Variants in PIAS4 observed in about 807,000 individuals in gnomAD.
PIAS4 encodes E3 SUMO-protein ligase PIAS4.
In PIAS4, 7 loss-of-function variants were observed where a neutral mutation model predicts 58.0. That is an observed-to-expected ratio of 0.12 (90% CI 0.07 to 0.23). The LOEUF (loss-of-function observed/expected upper bound fraction) is 0.23. PIAS4 is among the 10% of genes least tolerant of loss of function. PIAS4 has a pLI of 1.00. For missense variants in PIAS4, 550 were observed against 709.5 expected, an observed-to-expected ratio of 0.78 and a Z score of 2.55; for synonymous variants, 364 against 312.4, an observed-to-expected ratio of 1.17 and a Z score of -1.74.
rs550532845 is a variant in PIAS4 at position 4,037,260 on chromosome 19, C to T, written c.1143-114C>T. The T allele has an allele frequency of 1.5e-6, 2 of 1,358,646 alleles. No individual in the cohort carries two copies. Among genetic ancestry groups the T allele is most frequent in the South Asian group, 1.4e-5 (1 of 71,838 alleles). 84.2% of individuals were successfully genotyped at this position (1,358,646 alleles called of 1,614,324 possible). On this transcript the variant is annotated intron_variant, in intron 9 of 10. Transcript: ENST00000262971. The surrounding 1 kb of genome is among the most constrained non-coding windows in gnomAD (Gnocchi z 5.8). Reference sequence around the variant, plus strand: ...CCCTGCGGTCGGGGTGGTGAGGCTGCTCTTGCAGAGAGAAGTGGGGAGTGC... The same window carrying T: ...CCCTGCGGTCGGGGTGGTGAGGCTGTTCTTGCAGAGAGAAGTGGGGAGTGC...
chr19:4,028,882 C>T (rs1475901610), intron 6 of PIAS4, 34 bp downstream of exon 6: 4 of 1,612,644 alleles, frequency 2.5e-6, no homozygotes, highest in Non-Finnish European at 3.4e-6. Context: ...CCCTGCCCCC[C>T]AACCCCGGCC....
At chr19:4,008,593 T>A (rs1022176158) in intron 1 of PIAS4, among the ~76,000 whole-genome samples, 7 of 152,156 alleles carry the variant, frequency 4.6e-5, no homozygotes, top group African/African-American at 9.7e-5. Context: ...CTCCTTTTTT[T>A]AATCTTAAAT....
intron 1 of PIAS4, among the ~76,000 whole-genome samples, chr19:4,012,127 T>C (rs1036501363): frequency 6.6e-6 from 1 of 151,636 alleles, no homozygotes; most frequent in Non-Finnish European, 1.5e-5. Flanking sequence ...GAGCCCAGGA[T>C]GGCCCCAGTG....
Position 4,037,705 on chromosome 19 carries a change from A to G in PIAS4, c.1363A>G (p.Ser455Gly), listed in dbSNP as rs2040315396. 1 of 1,611,800 alleles carries G rather than the reference A, an allele frequency of 6.2e-7. No homozygotes were observed. The highest frequency in any genetic ancestry group is 1.7e-5 in the Admixed American group (1 of 59,930). Reference protein sequence around the residue: ...GSTGGGGPVGSMENGKPGADV... With the variant: ...GSTGGGGPVGGMENGKPGADV... ...CACGGGTGGCGGCGGCCCGGTGGGC[A>G]GCATGGAGAATGGGAAGCCGGGCGC... Residue 455 changes from serine to glycine, a missense_variant, in exon 11 of 11, where the codon AGC becomes GGC. By Grantham distance (56) the Ser-to-Gly change is moderately conservative. Transcript: ENST00000262971. This position sits in a 1 kb window ranked among gnomAD's most constrained non-coding sequence, Gnocchi z 5.8.
At position 4,037,825 on chromosome 19, in the gene PIAS4, C is replaced by T. The variant is rs760119109; in HGVS notation, c.1483C>T (p.Arg495Trp). Reference protein sequence around the residue: ...EEEDEDEEGPRPKRRCPFQKG... With the variant: ...EEEDEDEEGPWPKRRCPFQKG... Reference sequence around the variant, plus strand: ...GGAAGACGAGGACGAAGAGGGGCCCCGGCCCAAGCGCCGCTGCCCCTTCCA... The same window carrying T: ...GGAAGACGAGGACGAAGAGGGGCCCTGGCCCAAGCGCCGCTGCCCCTTCCA... The change falls in exon 11 of 11, where the codon CGG becomes TGG. Residue 495 changes from arginine (R) to tryptophan (W), a missense_variant. Physicochemically the swap from Arg to Trp is moderately radical, Grantham distance 101 (BLOSUM62 -3). Around this residue, in one of 4 missense-constraint regions of PIAS4, gnomAD observed 188 missense variants for 192.0 expected, o/e 0.98. Transcript: ENST00000262971. This position sits in a 1 kb window ranked among gnomAD's most constrained non-coding sequence, Gnocchi z 5.8. 5 of 1,574,014 alleles carry T rather than the reference C, an allele frequency of 3.2e-6. No individual in the cohort carries two copies. The highest frequency in any genetic ancestry group is 1.2e-5 in the South Asian group (1 of 86,762).
At chr19:4,016,454 C>T (rs2040054454) in intron 2 of PIAS4, among the ~76,000 whole-genome samples, 1 of 152,228 alleles carries the variant, frequency 6.6e-6, no homozygotes. Context: ...GTGTAGGCAC[C>T]TGTGCCCTTC....
Position 4,028,305 on chromosome 19 carries a change from C to G in PIAS4, c.581+118C>G. On this transcript the variant is annotated intron_variant, in intron 4 of 10. Coordinates refer to ENST00000262971, the MANE Select transcript of PIAS4 (RefSeq NM_015897.4). ...CCCCTGCTAACAGCAGAGCCCAGCT[C>G]TCCTCACCTGCTGTCTATCCCTGTC... 5 of 909,162 alleles carry G rather than the reference C, an allele frequency of 5.5e-6. No individual in the cohort carries two copies. The South Asian group carries it at 7.3e-5, about 13-fold the overall frequency. The allele number at this position is 909,162 out of a possible 1,614,324, so 56.3% of individuals were successfully genotyped here.
Position 4,012,937 on chromosome 19 carries a change from T to G in PIAS4, c.42T>G (p.Ser14Arg). 1 of 1,612,424 alleles carries G rather than the reference T, an allele frequency of 6.2e-7. No homozygotes were observed. ...ELVEAKNMVM[S>R]FRVSDLQMLL... ...CTCCTCCTCAGAACATGGTGATGAG[T>G]TTTCGAGTCTCCGACCTTCAGATGC... Residue 14 changes from serine (S) to arginine (R), a missense_variant, in exon 2 of 11, where the codon AGT (serine) becomes AGG (arginine). By Grantham distance (110) the Ser-to-Arg change is moderately radical. Transcript: ENST00000262971.
In PIAS4 at chr19:4,038,151, C is replaced by T. The variant is rs963288403; in HGVS notation, c.*276C>T. On this transcript the variant is annotated 3_prime_UTR_variant, in exon 11 of 11. Coordinates refer to ENST00000262971, the MANE Select transcript of PIAS4 (RefSeq NM_015897.4). The surrounding 1 kb of genome is among the most constrained non-coding windows in gnomAD (Gnocchi z 4.1). ...GGCCGGCCACCCACACAGCCGCCTC[C>T]CCGGCTGGAGTCCGAGCCGGGAAGG... The T allele has an allele frequency of 2.5e-6, 1 of 400,680 alleles. No individual in the cohort carries two copies. The highest frequency in any genetic ancestry group is 4.6e-5 in the Admixed American group (1 of 21,904). The allele number at this position is 400,680 out of a possible 1,614,324, so 24.8% of individuals were successfully genotyped here.
chr19:4,021,028 A>G (rs1275031392), intron 2 of PIAS4, among the ~76,000 whole-genome samples: 1 of 152,222 alleles, frequency 6.6e-6, no homozygotes, highest in East Asian at 1.9e-4. Flanking sequence ...GAGTGATGGT[A>G]CTGTCTTATA....
chr19:4,013,914 A>C lies in PIAS4; in HGVS notation c.454+565A>C, dbSNP rs951217947. Among the ~76,000 whole-genome samples the C allele has an allele frequency of 6.6e-6, 1 of 151,840 alleles. No homozygotes were observed. The highest frequency in any genetic ancestry group is 2.4e-5 in the African/African-American group (1 of 41,340). On this transcript the variant is annotated intron_variant, in intron 2 of 10. Coordinates refer to ENST00000262971, the MANE Select transcript of PIAS4 (RefSeq NM_015897.4). The surrounding 1 kb of genome is among the most constrained non-coding windows in gnomAD (Gnocchi z 5.1). ...TCGGACACGCCTCGCCATCTCCCCC[A>C]CAGAGTCCGTTGCTCACACAGACTC...
chr19:4,036,193 C>CATCACACATCCATACA (rs2040282191), intron 9 of PIAS4, among the ~76,000 whole-genome samples: 1 of 94,562 alleles, frequency 1.1e-5, no homozygotes, highest in Non-Finnish European at 2.6e-5. Context: ...CAGTCCACAC[C>CATCACACATCCATACA]GTCACACATC....
At chr19:4,021,676 G>A (rs1423093252) in intron 2 of PIAS4, among the ~76,000 whole-genome samples, 2 of 151,486 alleles carry the variant, frequency 1.3e-5, no homozygotes, top group Non-Finnish European at 2.9e-5. Context: ...GTTTATGTAC[G>A]GTTTATGTGG....
chr19:4,021,223 G>A (rs937967514), intron 2 of PIAS4, among the ~76,000 whole-genome samples: 6 of 152,082 alleles, frequency 3.9e-5, no homozygotes, highest in Non-Finnish European at 7.4e-5. Flanking sequence ...CACAATCTCG[G>A]CTCACTGCAA....
Position 4,016,854 on chromosome 19 carries a change from C to T in PIAS4, c.454+3505C>T, listed in dbSNP as rs561664830. Among the ~76,000 whole-genome samples, 8 of 152,228 alleles carry T rather than the reference C, an allele frequency of 5.3e-5. No individual in the cohort carries two copies. The South Asian group carries it at 6.2e-4, about 12-fold the overall frequency. On this transcript the variant is annotated intron_variant, in intron 2 of 10. Transcript: ENST00000262971. ...GAGGAGGGACGCAGTAGCCTGGGCG[C>T]GGGCGGCAGAGGCTGGAACCCGAGA...
At chr19:4,028,011 C>A in intron 3 of PIAS4, 135 bp from the exon 4 acceptor site, 2 of 865,152 alleles carry the variant, frequency 2.3e-6, no homozygotes, top group Non-Finnish European at 4.0e-6. Flanking sequence ...ACAAAAGAGT[C>A]CTGGGCCTCA....
intron 2 of PIAS4, among the ~76,000 whole-genome samples, chr19:4,015,522 T>A (rs1425650264): frequency 6.6e-6 from 1 of 152,118 alleles, no homozygotes; most frequent in African/African-American, 2.4e-5. Flanking sequence ...TGAACCTCCT[T>A]TCCTGGATTC....
chr19:4,008,298 T>C (rs1402954121), intron 1 of PIAS4, among the ~76,000 whole-genome samples: 1 of 151,954 alleles, frequency 6.6e-6, no homozygotes, highest in East Asian at 1.9e-4. Context: ...AGTCTCCTGC[T>C]CGGAAGGGTC....
At chr19:4,029,097 T>G in intron 7 of PIAS4, 61 bp downstream of exon 7, 1 of 1,268,588 alleles carries the variant, frequency 7.9e-7, no homozygotes, top group Non-Finnish European at 1.1e-6. Flanking sequence ...ACCCGCCCTG[T>G]GCTGGGTGAA....
Sources: gnomAD v4.1 joint callset for allele counts (sites outside exome capture counted in the v4.1 genomes callset) on GRCh38, gnomAD v4.1.1 for gene constraint, gnomAD v4.1.1 regional missense constraint, Gnocchi (gnomAD v3.1) non-coding constraint, MANE v1.5 for transcripts, NCBI Gene and HGNC (gene_info 2026-07-23, HGNC 2026-07-21) for gene names.